PMEPA1: variants seen among roughly 807,000 people sequenced by gnomAD.
PMEPA1 encodes protein TMEPAI.
In PMEPA1, 11 loss-of-function variants were observed where a neutral mutation model predicts 23.0. The observed-to-expected ratio is 0.48, with a 90% CI of 0.30 to 0.79. The LOEUF (loss-of-function observed/expected upper bound fraction) is 0.79. Among genes scored for constraint, PMEPA1 ranks in the 30% least tolerant of loss-of-function variants. The probability of loss-of-function intolerance (pLI) is 0.06; values close to 1 mark genes in which losing one functional copy is unlikely to be tolerated. For missense variants in PMEPA1, 377 were observed against 390.9 expected (o/e 0.96, Z 0.30); for synonymous variants, 204 against 166.4 (o/e 1.23, Z -1.74).
intron 1 of PMEPA1, among the ~76,000 whole-genome samples, chr20:57,694,570 T>G (rs1317516844): frequency 6.6e-6 from 1 of 152,196 alleles, no homozygotes; most frequent in Non-Finnish European, 1.5e-5. Context: ...AGGACACAGA[T>G]GGGTGCAGTG....
At chr20:57,705,717 C>A (rs565582269) in intron 1 of PMEPA1, among the ~76,000 whole-genome samples, 1 of 152,232 alleles carries the variant, frequency 6.6e-6, no homozygotes, top group Admixed American at 6.5e-5. Flanking sequence ...CTCTGGCCCT[C>A]AAGCCCCTTA....
chr20:57,665,350 C>A (rs1012298342), intron 1 of PMEPA1, among the ~76,000 whole-genome samples: 10 of 152,128 alleles, frequency 6.6e-5, no homozygotes, highest in African/African-American at 2.4e-4. Flanking sequence ...CATTCTCCTG[C>A]TAAATTTTCC....
rs748252293 is a variant in PMEPA1, at chr20:57,652,416, G to A, written c.501C>T (p.Leu167=). The A allele has an allele frequency of 5.0e-6, 8 of 1,613,864 alleles. No individual in the cohort carries two copies. The highest frequency in any genetic ancestry group is 6.8e-6 in the Non-Finnish European group (8 of 1,179,924). Residue 167 remains leucine (L), a synonymous_variant, in exon 4 of 4, where the codon CTC becomes CTT. Transcript: ENST00000341744. The surrounding 1 kb of genome is among the most constrained non-coding windows in gnomAD (Gnocchi z 6.1). ...GCTGCTGCTCGGGGTCCCGAAGCTGGAGGGTGCAGGGGCCCTGGTAGGGTG... is the reference window on the plus strand; with the variant it reads ...GCTGCTGCTCGGGGTCCCGAAGCTGAAGGGTGCAGGGGCCCTGGTAGGGTG... ...EPPPYQGPCT[L]QLRDPEQQLE...
At position 57,709,562 on chromosome 20, in the gene PMEPA1, G is replaced by A; in HGVS notation, c.21C>T (p.Val7=). 2 of 1,070,760 alleles carry A rather than the reference G, an allele frequency of 1.9e-6. No individual in the cohort carries two copies. The highest frequency in any genetic ancestry group is 2.3e-6 in the Non-Finnish European group (2 of 869,852). The allele number at this position is 1,070,760 out of a possible 1,614,324, so 66.3% of individuals were successfully genotyped here. The change falls in exon 1 of 4, where the codon GTC becomes GTT. Residue 7 remains valine (V), a synonymous_variant. Coordinates refer to ENST00000341744, the MANE Select transcript of PMEPA1 (RefSeq NM_020182.5). MHRLMG[V]NSTAAAAAGQ... The stretch of plus-strand genomic sequence containing the variant: ...CGGCGGCGGCGGCGGCGGTGCTGTT[G>A]ACCCCCATCAAGCGGTGCATGGACG...
At position 57,648,815 on chromosome 20, in the gene PMEPA1, C is replaced by T. The variant is rs945929915; in HGVS notation, c.*3238G>A. On this transcript the variant is annotated 3_prime_UTR_variant, in exon 4 of 4. Transcript: ENST00000341744. ...ACGGGATATTTTATGGTTCTGGAAG[C>T]TTCGTGTTGCACATAGGAAAAAAAA... is the stretch of plus-strand genomic sequence containing the variant. The T allele has an allele frequency of 6.6e-6, 1 of 152,160 alleles. No individual in the cohort carries two copies. Among genetic ancestry groups the T allele is most frequent in the Non-Finnish European group, 1.5e-5 (1 of 68,032 alleles). The allele number at this position is 152,160 out of a possible 1,614,324, so 9.4% of individuals were successfully genotyped here.
At chr20:57,697,665 T>C (rs1160574645) in intron 1 of PMEPA1, among the ~76,000 whole-genome samples, 1 of 152,208 alleles carries the variant, frequency 6.6e-6, no homozygotes, top group African/African-American at 2.4e-5. Flanking sequence ...GCTATGCAGA[T>C]GGGGAACCAA....
In PMEPA1 at chr20:57,651,331, T is replaced by C. The variant is rs2071224669; in HGVS notation, c.*722A>G. On this transcript the variant is annotated 3_prime_UTR_variant, in exon 4 of 4. Coordinates refer to ENST00000341744, the MANE Select transcript of PMEPA1 (RefSeq NM_020182.5). ...GCAGACTCCACGGGGGCTCACCCTCTGCCGTCAGGCGACTCTGAAATTCCG... is the reference window on the plus strand; with the variant it reads ...GCAGACTCCACGGGGGCTCACCCTCCGCCGTCAGGCGACTCTGAAATTCCG... 1.3e-5 allele frequency: 2 copies of C among 152,820 alleles called. No individual in the cohort carries two copies. The highest frequency in any genetic ancestry group is 6.5e-5 in the Admixed American group (1 of 15,308). The allele number at this position is 152,820 out of a possible 1,614,324, so 9.5% of individuals were successfully genotyped here. A position where few individuals can be genotyped will look rare whatever the true frequency, so the allele number is the denominator to read the frequency against.
Position 57,682,661 on chromosome 20 carries a change from A to AAC in PMEPA1, c.110-22965_110-22964insGT, listed in dbSNP as rs1350577263. The stretch of plus-strand genomic sequence containing the variant: ...CACACTCCTCCAGTTTTTGATTTAA[A>AAC]AAAAATCCCTGAAACAGCACCCACT... On this transcript the variant is annotated intron_variant, in intron 1 of 3. Transcript: ENST00000341744. This position sits in a 1 kb window ranked among gnomAD's most constrained non-coding sequence, Gnocchi z 4.4. Among the ~76,000 whole-genome samples, 1 of 151,820 alleles carries AAC rather than the reference A, an allele frequency of 6.6e-6. No individual in the cohort carries two copies. Among genetic ancestry groups the AAC allele is most frequent in the Non-Finnish European group, 1.5e-5 (1 of 67,950 alleles).
Position 57,659,562 on chromosome 20 carries a change from C to G in PMEPA1, c.245G>C (p.Arg82Thr), listed in dbSNP as rs1253205597. 1 of 1,613,988 alleles carries G rather than the reference C, an allele frequency of 6.2e-7. No homozygotes were observed. Among genetic ancestry groups the G allele is most frequent in the Non-Finnish European group, 8.5e-7 (1 of 1,179,976 alleles). The change falls in exon 2 of 4, where the codon AGA becomes ACA. Residue 82 changes from arginine to threonine, a missense_variant. Coordinates refer to ENST00000341744, the MANE Select transcript of PMEPA1 (RefSeq NM_020182.5). The stretch of plus-strand genomic sequence containing the variant: ...ACTTACTGAGGACAGGGCATCTTCT[C>G]TCCTCCGCCCCTGGCTGTGCCGGCT... ...FISRHSQGRR[R>T]EDALSSEGCL...
Position 57,652,045 on chromosome 20 carries a change from TG to T in PMEPA1, c.*7del, listed in dbSNP as rs962471860. 8 of 1,467,786 alleles carry T rather than the reference TG, an allele frequency of 5.5e-6. No individual in the cohort carries two copies. Among genetic ancestry groups the T allele is most frequent in the Non-Finnish European group, 7.2e-6 (8 of 1,105,290 alleles). The allele number at this position is 1,467,786 out of a possible 1,614,324, so 90.9% of individuals were successfully genotyped here. A position where few individuals can be genotyped will look rare whatever the true frequency, so the allele number is the denominator to read the frequency against. ...CTACGCAGCCCCAGCCCGGCCCCCC[TG>T]GGGACCCTAGAGAGGGTGTCCTTTC... is the stretch of plus-strand genomic sequence containing the variant. On this transcript the variant is annotated 3_prime_UTR_variant, in exon 4 of 4. Coordinates refer to ENST00000341744, the MANE Select transcript of PMEPA1 (RefSeq NM_020182.5). This position sits in a 1 kb window ranked among gnomAD's most constrained non-coding sequence, Gnocchi z 6.1.
chr20:57,700,788 G>A (rs1460365862), intron 1 of PMEPA1, among the ~76,000 whole-genome samples: 1 of 152,200 alleles, frequency 6.6e-6, no homozygotes, highest in Non-Finnish European at 1.5e-5. Context: ...AGCACTTTGG[G>A]AGGCTGAGGC....
At chr20:57,654,886 C>T (rs1223012341) in intron 2 of PMEPA1, among the ~76,000 whole-genome samples, 1 of 152,106 alleles carries the variant, frequency 6.6e-6, no homozygotes, top group Non-Finnish European at 1.5e-5. Context: ...CTCCTCCACT[C>T]TTGCCCTTCC....
At chr20:57,690,941 C>T (rs937075606) in intron 1 of PMEPA1, among the ~76,000 whole-genome samples, 3 of 152,198 alleles carry the variant, frequency 2.0e-5, no homozygotes, top group African/African-American at 4.8e-5. Flanking sequence ...CTCTACACCC[C>T]GAGGCCTGGG....
intron 2 of PMEPA1, among the ~76,000 whole-genome samples, chr20:57,658,278 TC>T (rs1428114389): frequency 2.6e-5 from 4 of 152,176 alleles, no homozygotes; most frequent in Non-Finnish European, 4.4e-5. Flanking sequence ...GCGGGGTCCC[TC>T]CTGCAGGGCT....
At position 57,656,843 on chromosome 20, in the gene PMEPA1, G is replaced by A. The variant is rs565291897; in HGVS notation, c.264+2700C>T. On this transcript the variant is annotated intron_variant, in intron 2 of 3. Transcript: ENST00000341744. This position sits in a 1 kb window ranked among gnomAD's most constrained non-coding sequence, Gnocchi z 4.7. ...CCATGCCAGGGGCAGAGCATGGATG[G>A]GCTGGGGGGATGTAGACTGGGCCCG... is the stretch of plus-strand genomic sequence containing the variant. Among the ~76,000 whole-genome samples the A allele has an allele frequency of 1.5e-4, 23 of 152,350 alleles. No individual in the cohort carries two copies. Among genetic ancestry groups the A allele is most frequent in the African/African-American group, 5.5e-4 (23 of 41,582 alleles).
At chr20:57,702,675 A>G (rs1242835160) in intron 1 of PMEPA1, among the ~76,000 whole-genome samples, 4 of 152,194 alleles carry the variant, frequency 2.6e-5, no homozygotes, top group Non-Finnish European at 4.4e-5. Flanking sequence ...TTGAATCCCA[A>G]TGGAGCATCA....
chr20:57,667,922 C>T (rs2146660827), intron 1 of PMEPA1, among the ~76,000 whole-genome samples: 1 of 152,286 alleles, frequency 6.6e-6, no homozygotes, highest in East Asian at 1.9e-4. Context: ...TTTCTGATCA[C>T]TCCTGGTGCC....
chr20:57,708,501 G>C (rs1233813095), intron 1 of PMEPA1, among the ~76,000 whole-genome samples: 1 of 152,126 alleles, frequency 6.6e-6, no homozygotes, highest in Non-Finnish European at 1.5e-5. Context: ...AGGCGGCTGC[G>C]TTAGCGACAA....
Position 57,659,745 on chromosome 20 carries a change from G to A in PMEPA1, c.110-48C>T, listed in dbSNP as rs770220019. 3.5e-5 allele frequency: 54 copies of A among 1,528,154 alleles called. No individual in the cohort carries two copies. The Admixed American group carries it at 6.9e-4, about 19-fold the overall frequency. The allele number at this position is 1,528,154 out of a possible 1,614,324, so 94.7% of individuals were successfully genotyped here. A position where few individuals can be genotyped will look rare whatever the true frequency, so the allele number is the denominator to read the frequency against. ...GTGAGACCCTGGACACCTGCAGGTCGCTGTGCTCAGGGCTCAGCCCTTTTG... is the reference window on the plus strand; with the variant it reads ...GTGAGACCCTGGACACCTGCAGGTCACTGTGCTCAGGGCTCAGCCCTTTTG... On this transcript the variant is annotated intron_variant, in intron 1 of 3. Transcript: ENST00000341744.
Sources: allele counts gnomAD v4.1 joint callset (sites outside exome capture counted in the v4.1 genomes callset), GRCh38; gene constraint gnomAD v4.1.1; non-coding constraint Gnocchi (gnomAD v3.1); transcripts MANE v1.5; gene names NCBI Gene and HGNC (gene_info 2026-07-23, HGNC 2026-07-21).